Variants in CTNNA1 observed in about 807,000 individuals in gnomAD.
The protein encoded by CTNNA1 is catenin alpha-1.
In CTNNA1, 37 loss-of-function variants were observed where a neutral mutation model predicts 98.4. That is an observed-to-expected ratio of 0.38 (90% confidence interval 0.29 to 0.49). The LOEUF (loss-of-function observed/expected upper bound fraction) is 0.49. Ranked by LOEUF, CTNNA1 falls within the 20% of genes least tolerant of loss-of-function variation. CTNNA1 has a pLI of 0.95. For missense variants in CTNNA1, 761 were observed against 1,147.2 expected (o/e 0.66, Z 4.86); for synonymous variants, 404 against 413.2 (o/e 0.98, Z 0.27).
chr5:138,864,993 T>A (rs1411976545), intron 7 of CTNNA1, among the ~76,000 whole-genome samples: 1 of 152,036 alleles, frequency 6.6e-6, no homozygotes, highest in African/African-American at 2.4e-5. Context: ...TTTGTATTTT[T>A]AGTAGAGACG....
chr5:138,905,248 C>G (rs1016100259), intron 10 of CTNNA1, among the ~76,000 whole-genome samples: 6 of 152,124 alleles, frequency 3.9e-5, no homozygotes, highest in African/African-American at 1.4e-4. Flanking sequence ...CGAGATCACA[C>G]CACTGCACTC....
intron 7 of CTNNA1, among the ~76,000 whole-genome samples, chr5:138,852,772 C>T (rs76779099): frequency 0.012 from 1,769 of 152,054 alleles, 29 homozygotes; most frequent in African/African-American, 0.041. Flanking sequence ...TCCACATCCT[C>T]TCCTCCTAAG....
Position 138,822,188 on chromosome 5 carries a change from C to T in CTNNA1, c.589-2342C>T, listed in dbSNP as rs1179703187. On this transcript the variant is annotated intron_variant, in intron 5 of 17. Coordinates refer to ENST00000302763, the MANE Select transcript of CTNNA1 (RefSeq NM_001903.5). ...AGAACATATGCACCAGCTGTTTAAGCATAATGGTTAACCCTAGCTCCTTGT... is the reference window on the plus strand; with the variant it reads ...AGAACATATGCACCAGCTGTTTAAGTATAATGGTTAACCCTAGCTCCTTGT... Among the ~76,000 whole-genome samples the T allele has an allele frequency of 3.9e-5, 6 of 152,022 alleles. No homozygotes were observed. The South Asian group carries it at 1.3e-3, about 32-fold the overall frequency.
rs549155733 is a variant in CTNNA1 at position 138,863,151 on chromosome 5, T to G, written c.1063-23061T>G. On this transcript the variant is annotated intron_variant, in intron 7 of 17. Transcript: ENST00000302763. ...TTGCCCCTGTTGAAAATCTAGGTGG[T>G]TTTTTTTTAATGGCTTCTAGAAAGA... Among the ~76,000 whole-genome samples the G allele has an allele frequency of 2.8e-3, 373 of 135,458 alleles. 1 individual carries two copies. Among genetic ancestry groups the G allele is most frequent in the Non-Finnish European group, 5.1e-3 (293 of 57,436 alleles). The allele number at this position is 135,458 out of a possible 152,430, so 88.9% of individuals were successfully genotyped here. A position where few individuals can be genotyped will look rare whatever the true frequency, so the allele number is the denominator to read the frequency against.
At position 138,824,590 on chromosome 5, in the gene CTNNA1, A is replaced by C. The variant is rs1213476232; in HGVS notation, c.649A>C (p.Asn217His). 3 of 1,614,228 alleles carry C rather than the reference A, an allele frequency of 1.9e-6. No individual in the cohort carries two copies. Among genetic ancestry groups the C allele is most frequent in the Non-Finnish European group, 2.5e-6 (3 of 1,180,036 alleles). ...TGCAGCTAGAGGAATCCTGCAGAAG[A>C]ACGTTCCGATCCTCTATACTGCATC... ...MAAARGILQK[N>H]VPILYTASQA... The change falls in exon 6 of 18, where the codon AAC (asparagine) becomes CAC (histidine). Residue 217 changes from asparagine (N) to histidine (H), a missense_variant. By Grantham distance (68) the Asn-to-His change is moderately conservative. Around this residue, in one of 6 missense-constraint regions of CTNNA1, gnomAD observed 328 missense variants for 354.3 expected, o/e 0.93. Transcript: ENST00000302763.
intron 7 of CTNNA1, among the ~76,000 whole-genome samples, chr5:138,849,898 A>G (rs899717446): frequency 5.3e-5 from 8 of 152,010 alleles, no homozygotes; most frequent in Admixed American, 2.6e-4. Flanking sequence ...TCTAATGAGC[A>G]TTGCCTCTCA....
intron 7 of CTNNA1, among the ~76,000 whole-genome samples, chr5:138,830,036 G>C (rs896257241): frequency 6.6e-6 from 1 of 152,064 alleles, no homozygotes; most frequent in African/African-American, 2.4e-5. Flanking sequence ...ACATGGAGGC[G>C]GGCGCCTGTA....
chr5:138,894,346 A>G (rs988231548), intron 9 of CTNNA1, among the ~76,000 whole-genome samples: 2 of 149,720 alleles, frequency 1.3e-5, no homozygotes, highest in African/African-American at 4.9e-5. Context: ...CAGTGACACA[A>G]TCATGGCTCA....
At chr5:138,777,883 GAGGGAGAGGAGGGAGAGGGA>G (rs1754543803) in intron 1 of CTNNA1, among the ~76,000 whole-genome samples, 2 of 40,098 alleles carry the variant, frequency 5.0e-5, no homozygotes, top group Non-Finnish European at 5.4e-5. Context: ...GGGAGAGGGA[GAGGGAGAGGAGGGAGAGGGA>G]GAGGAGGGAG....
At chr5:138,780,885 A>G (rs1423238843) in intron 1 of CTNNA1, among the ~76,000 whole-genome samples, 1 of 152,196 alleles carries the variant, frequency 6.6e-6, no homozygotes, top group East Asian at 1.9e-4. Context: ...CCTCAGCTTC[A>G]TGCCTTTTCT....
chr5:138,769,637 A>T (rs1447586215), intron 1 of CTNNA1, among the ~76,000 whole-genome samples: 3 of 151,784 alleles, frequency 2.0e-5, no homozygotes, highest in African/African-American at 7.3e-5. Context: ...GGTTCAAGCG[A>T]TTCTCCTGCC....
intron 10 of CTNNA1, among the ~76,000 whole-genome samples, chr5:138,913,912 A>G (rs1361606096): frequency 1.3e-5 from 2 of 152,162 alleles, no homozygotes; most frequent in East Asian, 3.9e-4. Context: ...GTGCAGTGGC[A>G]TGATCATGGC....
intron 7 of CTNNA1, chr5:138,875,374 T>C: frequency 1.0e-6 from 1 of 985,312 alleles, no homozygotes; most frequent in Non-Finnish European, 1.2e-6. Flanking sequence ...GAACTGTATA[T>C]AGGCTGACGT....
rs1256952801 is a variant in CTNNA1, at chr5:138,887,739, C to T, written c.1296+97C>T. 1.3e-5 allele frequency: 12 copies of T among 957,344 alleles called. No individual in the cohort carries two copies. In the African/African-American group the frequency reaches 1.5e-4, roughly 12 times the overall value. 59.3% of individuals were successfully genotyped at this position (957,344 alleles called of 1,614,324 possible). On this transcript the variant is annotated intron_variant, in intron 9 of 17. Coordinates refer to ENST00000302763, the MANE Select transcript of CTNNA1 (RefSeq NM_001903.5). ...TAATCAGTTAAAATTTGTAAGGGCT[C>T]GCTTAACATACAACATGTCTGAGAT...
chr5:138,784,675 T>G (rs187959771), intron 3 of CTNNA1, among the ~76,000 whole-genome samples: 1 of 152,222 alleles, frequency 6.6e-6, no homozygotes, highest in East Asian at 1.9e-4. Context: ...CTCATCATTC[T>G]GAAGGCCAGA....
chr5:138,902,121 GT>G (rs1758172510), intron 9 of CTNNA1, among the ~76,000 whole-genome samples: 1 of 152,114 alleles, frequency 6.6e-6, no homozygotes, highest in South Asian at 2.1e-4. Flanking sequence ...CATAACCTTT[GT>G]TTTGTTAGTG....
chr5:138,892,034 C>T (rs920200844), intron 9 of CTNNA1, among the ~76,000 whole-genome samples: 3 of 152,172 alleles, frequency 2.0e-5, no homozygotes, highest in Non-Finnish European at 4.4e-5. Flanking sequence ...CTGGAAGCCC[C>T]TTCCCTCCTT....
intron 9 of CTNNA1, among the ~76,000 whole-genome samples, chr5:138,892,251 A>G (rs1755541769): frequency 6.6e-6 from 1 of 151,982 alleles, no homozygotes; most frequent in Non-Finnish European, 1.5e-5. Flanking sequence ...ATTTTGGGTT[A>G]ACACATACTT....
chr5:138,818,202 A>G (rs1252050092), intron 5 of CTNNA1, among the ~76,000 whole-genome samples: 1 of 146,266 alleles, frequency 6.8e-6, no homozygotes, highest in Non-Finnish European at 1.5e-5. Context: ...TTTTCTCGGC[A>G]GTCTCAAGTG....
Sources: allele counts gnomAD v4.1 joint callset (sites outside exome capture counted in the v4.1 genomes callset), GRCh38; gene constraint gnomAD v4.1.1; regional missense constraint gnomAD v4.1.1; transcripts MANE v1.5; gene names NCBI Gene and HGNC (gene_info 2026-07-23, HGNC 2026-07-21).